SPINK14: variants seen among roughly 807,000 people sequenced by gnomAD.
SPINK14 encodes the protein serine peptidase inhibitor Kazal type 14 (putative).
A neutral mutation model predicts 14.2 loss-of-function variants in SPINK14; 6 were observed. The ratio of observed to expected loss-of-function variants is 0.42; its 90% CI spans 0.23 to 0.83. The LOEUF (loss-of-function observed/expected upper bound fraction) is 0.83. SPINK14 is among the 40% of genes least tolerant of loss of function. The probability of loss-of-function intolerance (pLI) is 0.28; values close to 1 mark genes in which losing one functional copy is unlikely to be tolerated. For synonymous variants in SPINK14, 34 were observed against 36.8 expected, an observed-to-expected ratio of 0.92 and a Z score of 0.27; for missense variants, 86 against 108.3, an observed-to-expected ratio of 0.79 and a Z score of 0.91.
In SPINK14 at chr5:148,173,496, G is replaced by A. The variant is rs1240180608; in HGVS notation, c.112-738G>A. ...AGGAAATGGCTTGAGGATTTAGAGA[G>A]TGAAAAAAAAGTGATAAATATTTGA... On this transcript the variant is annotated intron_variant, in intron 3 of 4. Coordinates refer to ENST00000356972, the MANE Select transcript of SPINK14 (RefSeq NM_001001325.2). Among the ~76,000 whole-genome samples the A allele has an allele frequency of 1.4e-4, 14 of 100,656 alleles. 4 individuals are homozygous for A. Among genetic ancestry groups the A allele is most frequent in the African/African-American group, 5.2e-4 (13 of 24,846 alleles). The allele number at this position is 100,656 out of a possible 152,430, so 66.0% of individuals were successfully genotyped here. A position where few individuals can be genotyped will look rare whatever the true frequency, so the allele number is the denominator to read the frequency against.
chr5:148,172,067 A>G (rs945713057), intron 3 of SPINK14, among the ~76,000 whole-genome samples: 3 of 152,208 alleles, frequency 2.0e-5, no homozygotes, highest in African/African-American at 7.2e-5. Flanking sequence ...CAAAAAAGGA[A>G]GAAACCAACT....
chr5:148,169,483 T>C (rs551062598), intron 1 of SPINK14, among the ~76,000 whole-genome samples, 178 bp from the exon 2 acceptor site: 298 of 152,300 alleles, frequency 2.0e-3, no homozygotes, highest in African/African-American at 6.9e-3. Flanking sequence ...AAAGATCTGT[T>C]ACTGAGCTCT....
chr5:148,169,958 T>C (rs1755079081), intron 2 of SPINK14, among the ~76,000 whole-genome samples, 159 bp downstream of exon 2: 1 of 107,732 alleles, frequency 9.3e-6, no homozygotes, highest in Non-Finnish European at 2.1e-5. Flanking sequence ...TTGCAGAGTG[T>C]ATATATGTAT....
intron 3 of SPINK14, among the ~76,000 whole-genome samples, chr5:148,172,462 T>C (rs1250471992): frequency 6.6e-6 from 1 of 152,202 alleles, no homozygotes; most frequent in Non-Finnish European, 1.5e-5. Flanking sequence ...TTGATAACTG[T>C]ATATTCTTTC....
chr5:148,171,359 A>C (rs1421415761), intron 3 of SPINK14, among the ~76,000 whole-genome samples: 1 of 152,184 alleles, frequency 6.6e-6, no homozygotes, highest in African/African-American at 2.4e-5. Flanking sequence ...CTTGAGATGT[A>C]CAGAGAATGC....
intron 2 of SPINK14, 125 bp from the exon 3 acceptor site, chr5:148,170,805 G>A: frequency 2.5e-6 from 2 of 803,242 alleles, no homozygotes; most frequent in Non-Finnish European, 4.1e-6. Flanking sequence ...ATGTATAAAT[G>A]AAATAATGTT....
At position 148,170,966 on chromosome 5, in the gene SPINK14, T is replaced by A; in HGVS notation, c.104T>A (p.Ile35Asn). Residue 35 changes from isoleucine to asparagine, a missense_variant, in exon 3 of 5, where the codon ATT becomes AAT. Ile to Asn is a moderately radical substitution (Grantham distance 149). Coordinates refer to ENST00000356972, the MANE Select transcript of SPINK14 (RefSeq NM_001001325.2). ...AGACACTGGTGGCCACCACGTGGAATTATTAAGGTAATGTTCCATTAAATT... is the reference window on the plus strand; with the variant it reads ...AGACACTGGTGGCCACCACGTGGAAATATTAAGGTAATGTTCCATTAAATT... ...GPRHWWPPRG[I>N]IKVKCPYEKV... The A allele has an allele frequency of 6.2e-7, 1 of 1,612,482 alleles. No homozygotes were observed. The highest frequency in any genetic ancestry group is 8.5e-7 in the Non-Finnish European group (1 of 1,178,808).
chr5:148,172,408 G>A (rs1159925463), intron 3 of SPINK14, among the ~76,000 whole-genome samples: 1 of 152,060 alleles, frequency 6.6e-6, no homozygotes, highest in Non-Finnish European at 1.5e-5. Flanking sequence ...GAGAAAAGAA[G>A]CTATATTTAT....
Position 148,174,055 on chromosome 5 carries a change from G to C in SPINK14, c.112-179G>C, listed in dbSNP as rs1432744545. Among the ~76,000 whole-genome samples, 2 of 91,446 alleles carry C rather than the reference G, an allele frequency of 2.2e-5. 1 individual carries two copies. The highest frequency in any genetic ancestry group is 9.2e-5 in the African/African-American group (2 of 21,850). The allele number at this position is 91,446 out of a possible 152,430, so 60.0% of individuals were successfully genotyped here. A position where few individuals can be genotyped will look rare whatever the true frequency, so the allele number is the denominator to read the frequency against. ...GACAGGGTATCGCTCTGTTGCCTAG[G>C]CTGATCTTGAACTCCTGGGCTCAAG... On this transcript the variant is annotated intron_variant, in intron 3 of 4. Coordinates refer to ENST00000356972, the MANE Select transcript of SPINK14 (RefSeq NM_001001325.2).
intron 2 of SPINK14, among the ~76,000 whole-genome samples, chr5:148,170,173 TACACACACACAC>T (rs376416343): frequency 1.5e-5 from 2 of 133,860 alleles, no homozygotes; most frequent in East Asian, 4.3e-4. Context: ...TATATATATA[TACACACACACAC>T]ACACACACAC....
Position 148,169,818 on chromosome 5 carries a change from C to A in SPINK14, c.67+19C>A. The stretch of plus-strand genomic sequence containing the variant: ...TCTTCTGGTGAGTAATTTAGCTGGT[C>A]TTGGCCAGCAGTTGAAATTGATTTG... On this transcript the variant is annotated intron_variant, in intron 2 of 4. Transcript: ENST00000356972. The A allele has an allele frequency of 6.2e-7, 1 of 1,601,614 alleles. No individual in the cohort carries two copies. Among genetic ancestry groups the A allele is most frequent in the South Asian group, 1.1e-5 (1 of 89,610 alleles).
chr5:148,173,047 A>G (rs1229476234), intron 3 of SPINK14, among the ~76,000 whole-genome samples: 6 of 152,072 alleles, frequency 3.9e-5, no homozygotes. Context: ...TAAAATATGA[A>G]ACTTCAGGAA....
intron 1 of SPINK14, 36 bp from the exon 2 acceptor site, chr5:148,169,625 A>G (rs1349668055): frequency 2.4e-6 from 2 of 842,640 alleles, no homozygotes; most frequent in African/African-American, 3.4e-5. Context: ...TCTTCATTGT[A>G]AAAGTCATCT....
At chr5:148,170,665 C>A (rs1295158830) in intron 2 of SPINK14, among the ~76,000 whole-genome samples, 1 of 152,072 alleles carries the variant, frequency 6.6e-6, no homozygotes, top group Non-Finnish European at 1.5e-5. Flanking sequence ...CAAGTCCAAG[C>A]TAATTAGGAA....
At chr5:148,171,946 C>T (rs1330071655) in intron 3 of SPINK14, among the ~76,000 whole-genome samples, 4 of 152,132 alleles carry the variant, frequency 2.6e-5, no homozygotes, top group African/African-American at 9.7e-5. Context: ...AATGCGCTCA[C>T]TTTTACTTAT....
chr5:148,170,919 G>A lies in SPINK14; in HGVS notation c.68-11G>A, dbSNP rs371769259. 1 of 1,608,390 alleles carries A rather than the reference G, an allele frequency of 6.2e-7. No homozygotes were observed. On this transcript the variant is annotated splice_polypyrimidine_tract_variant and intron_variant, in intron 2 of 4. Transcript: ENST00000356972. ...AATTAAATTCTGTAACTATTTTCAT[G>A]TATTCTCTAGTTTCAGGCCCTAGAC...
At position 148,169,686 on chromosome 5, in the gene SPINK14, G is replaced by A; in HGVS notation, c.-47G>A. On this transcript the variant is annotated 5_prime_UTR_variant, in exon 2 of 5. Transcript: ENST00000356972. ...TGATTGTATTAGAGGGCAACAACCT[G>A]AGACAATATTTCAGAGCATCATTCC... 2.0e-6 allele frequency: 3 copies of A among 1,511,592 alleles called. No homozygotes were observed. In the South Asian group the frequency reaches 3.4e-5, roughly 17 times the overall value. 93.6% of individuals were successfully genotyped at this position (1,511,592 alleles called of 1,614,324 possible).
chr5:148,172,279 A>G (rs1049481002), intron 3 of SPINK14, among the ~76,000 whole-genome samples: 1 of 152,092 alleles, frequency 6.6e-6, no homozygotes, highest in Non-Finnish European at 1.5e-5. Context: ...CTGGGTCACT[A>G]ATTGAAGCCC....
intron 3 of SPINK14, among the ~76,000 whole-genome samples, chr5:148,172,211 AC>A (rs1484122683): frequency 6.6e-6 from 1 of 152,160 alleles, no homozygotes; most frequent in Non-Finnish European, 1.5e-5. Context: ...CTAAGGTGAG[AC>A]TTGAAGGATA....
Sources: gnomAD v4.1 joint callset for allele counts (sites outside exome capture counted in the v4.1 genomes callset) on GRCh38, gnomAD v4.1.1 for gene constraint, MANE v1.5 for transcripts, NCBI Gene and HGNC (gene_info 2026-07-23, HGNC 2026-07-21) for gene names.